NLRP5: variants seen among roughly 807,000 people sequenced by gnomAD.
NLRP5 encodes the protein NLR family pyrin domain containing 5, also known as NACHT, LRR and PYD domains-containing protein 5.
A neutral mutation model predicts 113.1 loss-of-function variants in NLRP5; 93 were observed. The ratio of observed to expected loss-of-function variants is 0.82; its 90% CI spans 0.70 to 0.98. The LOEUF is 0.98. Ranked by LOEUF, NLRP5 falls within the 50% of genes least tolerant of loss-of-function variation. The probability of loss-of-function intolerance (pLI) is 0.00; values close to 1 mark genes in which losing one functional copy is unlikely to be tolerated. For missense variants in NLRP5, 1,808 were observed against 1,514.3 expected, an observed-to-expected ratio of 1.19 and a Z score of -3.22; for synonymous variants, 751 against 600.7, an observed-to-expected ratio of 1.25 and a Z score of -3.66.
At chr19:55,987,860 C>T in the NLRP5 span, 2 of 1,614,088 alleles carry the variant, frequency 1.2e-6, no homozygotes, top group Non-Finnish European at 1.7e-6. Context: ...CCCAACTCCT[C>T]ACCCACCCGA....
intron 3 of NLRP5, 124 bp from the exon 4 acceptor site, chr19:56,015,618 G>A: frequency 1.5e-6 from 1 of 659,246 alleles, no homozygotes; most frequent in South Asian, 3.8e-5. Flanking sequence ...CAGTGGTTCT[G>A]TGCTCTAAAC....
chr19:56,042,319 G>T (rs1208377662), intron 11 of NLRP5, among the ~76,000 whole-genome samples: 3 of 152,074 alleles, frequency 2.0e-5, no homozygotes, highest in African/African-American at 7.2e-5. Flanking sequence ...AAAGTTATTG[G>T]GGTACAGGTG....
intron 4 of NLRP5, among the ~76,000 whole-genome samples, chr19:56,016,729 CAT>C (rs1982416793): frequency 6.6e-6 from 1 of 152,200 alleles, no homozygotes; most frequent in African/African-American, 2.4e-5. Flanking sequence ...CTTCACTTAA[CAT>C]AATGTCCTCT....
At chr19:56,033,395 T>G (rs1372718256) in intron 8 of NLRP5, 147 bp from the exon 9 acceptor site, 1 of 663,286 alleles carries the variant, frequency 1.5e-6, no homozygotes, top group Non-Finnish European at 2.7e-6. Context: ...AGCTGGCCCA[T>G]CACAGGCACT....
chr19:55,987,745 C>T, the NLRP5 span: 2 of 1,156,364 alleles, frequency 1.7e-6, no homozygotes, highest in Non-Finnish European at 2.6e-6. Flanking sequence ...AGACAAAATG[C>T]AAGCTTAGGG....
At position 56,055,533 on chromosome 19, in the gene NLRP5, C is replaced by CTTTTTTTTTTTTTTTTTTTT. The variant is rs1491011983; in HGVS notation, c.3299+1726_3299+1727insTTTTTTTTTTTTTTTTTTTT. Among the ~76,000 whole-genome samples, 49 of 99,538 alleles carry CTTTTTTTTTTTTTTTTTTTT rather than the reference C, an allele frequency of 4.9e-4. 7 individuals carry two copies. The highest frequency in any genetic ancestry group is 8.1e-4 in the Non-Finnish European group (39 of 48,256). The allele number at this position is 99,538 out of a possible 152,430, so 65.3% of individuals were successfully genotyped here. A position where few individuals can be genotyped will look rare whatever the true frequency, so the allele number is the denominator to read the frequency against. On this transcript the variant is annotated intron_variant, in intron 13 of 14. Coordinates refer to ENST00000390649, the MANE Select transcript of NLRP5 (RefSeq NM_153447.4). ...AGCTCCATGTTCTATTTTTCTTTCT[C>CTTTTTTTTTTTTTTTTTTTT]TGTCTTTTTTTTTTTTTTTTTTTTT... is the stretch of plus-strand genomic sequence containing the variant.
chr19:56,058,564 T>C (rs1984243637), intron 14 of NLRP5, among the ~76,000 whole-genome samples, 154 bp downstream of exon 14: 1 of 152,136 alleles, frequency 6.6e-6, no homozygotes, highest in African/African-American at 2.4e-5. Flanking sequence ...CTGAGTACCA[T>C]GCTGGATGCT....
intron 13 of NLRP5, among the ~76,000 whole-genome samples, chr19:56,057,866 A>C (rs755876695): frequency 3.3e-5 from 5 of 152,036 alleles, no homozygotes; most frequent in Non-Finnish European, 2.9e-5. Flanking sequence ...TTTCTACTAA[A>C]AATACAAAAA....
At position 56,028,275 on chromosome 19, in the gene NLRP5, C is replaced by T; in HGVS notation, c.2042C>T (p.Pro681Leu). 6.2e-7 allele frequency: 1 copy of T among 1,613,972 alleles called. No individual in the cohort carries two copies. The highest frequency in any genetic ancestry group is 8.5e-7 in the Non-Finnish European group (1 of 1,179,884). Residue 681 changes from proline to leucine, a missense_variant, in exon 7 of 15, where the codon CCA becomes CTA. Coordinates refer to ENST00000390649, the MANE Select transcript of NLRP5 (RefSeq NM_153447.4). The stretch of plus-strand genomic sequence containing the variant: ...GGTCAGCAGCCTAATGCCACCACCC[C>T]AGGAGACACCCTGGACGCCTTCCAC...
At chr19:56,014,939 CA>C (rs747436333) in intron 3 of NLRP5, among the ~76,000 whole-genome samples, 2 of 151,724 alleles carry the variant, frequency 1.3e-5, no homozygotes, top group Admixed American at 6.6e-5. Flanking sequence ...TTTCTGCAAG[CA>C]AAAAAAGGTA....
chr19:55,993,401 C>T, the NLRP5 span, among the ~76,000 whole-genome samples: 1 of 43,454 alleles, frequency 2.3e-5, no homozygotes, highest in Non-Finnish European at 4.0e-5. Context: ...CTCTCCCCCT[C>T]CTCTCCCCCT....
At chr19:56,006,710 T>C (rs200764622) in intron 2 of NLRP5, among the ~76,000 whole-genome samples, 8 of 151,422 alleles carry the variant, frequency 5.3e-5, no homozygotes, top group South Asian at 2.1e-4. Context: ...CCAGCCTGGG[T>C]GACAGAGCGA....
At chr19:56,036,097 T>C (rs1322093556) in intron 9 of NLRP5, among the ~76,000 whole-genome samples, 1 of 132,792 alleles carries the variant, frequency 7.5e-6, no homozygotes, top group East Asian at 2.3e-4. Context: ...AGAGTCTTGC[T>C]CTGTTGCCCA....
chr19:56,048,463 C>A lies in NLRP5; in HGVS notation c.2958-1955C>A, dbSNP rs148199061. On this transcript the variant is annotated intron_variant, in intron 11 of 14. Coordinates refer to ENST00000390649, the MANE Select transcript of NLRP5 (RefSeq NM_153447.4). The stretch of plus-strand genomic sequence containing the variant: ...TTTGTCTGTCTGAAAAAGACTGTAT[C>A]TTTCCTTCATATAAAATGCTTAGTT... Among the ~76,000 whole-genome samples the A allele has an allele frequency of 3.6e-3, 551 of 152,120 alleles. 1 individual carries two copies. Among genetic ancestry groups the A allele is most frequent in the African/African-American group, 0.012 (497 of 41,506 alleles).
chr19:56,023,129 G>A (rs1267100236), intron 6 of NLRP5, among the ~76,000 whole-genome samples: 3 of 152,200 alleles, frequency 2.0e-5, no homozygotes, highest in Non-Finnish European at 2.9e-5. Flanking sequence ...AAGCCCTCAC[G>A]AAGGAGAGGA....
chr19:56,035,464 A>G (rs1202694483), intron 9 of NLRP5, among the ~76,000 whole-genome samples: 2 of 152,080 alleles, frequency 1.3e-5, no homozygotes, highest in South Asian at 2.1e-4. Flanking sequence ...CTGCATGCTC[A>G]CTCTTTTGCT....
At position 56,021,710 on chromosome 19, in the gene NLRP5, G is replaced by A. The variant is rs574706731; in HGVS notation, c.679+1279G>A. Among the ~76,000 whole-genome samples the A allele has an allele frequency of 2.6e-5, 4 of 152,264 alleles. No individual in the cohort carries two copies. The East Asian group carries it at 7.7e-4, about 29-fold the overall frequency. ...TGGAAAGACCCCATTTTCTTCATCT[G>A]TTGTTCAGTTCATGGGAATTTGGCT... On this transcript the variant is annotated intron_variant, in intron 6 of 14. Coordinates refer to ENST00000390649, the MANE Select transcript of NLRP5 (RefSeq NM_153447.4).
chr19:56,008,951 A>G (rs1187310936), intron 3 of NLRP5, 98 bp downstream of exon 3: 2 of 1,055,238 alleles, frequency 1.9e-6, no homozygotes, highest in African/African-American at 3.1e-5. Flanking sequence ...CTGATAGTCT[A>G]GTGTTCTTTC....
At chr19:56,004,504 C>A (rs150434760) in intron 2 of NLRP5, among the ~76,000 whole-genome samples, 96 of 152,164 alleles carry the variant, frequency 6.3e-4, no homozygotes, top group African/African-American at 2.2e-3. Context: ...ATGTGTAATG[C>A]ATAGGAAGTG....
Sources: allele counts gnomAD v4.1 joint callset (sites outside exome capture counted in the v4.1 genomes callset), GRCh38; gene constraint gnomAD v4.1.1; transcripts MANE v1.5; gene names NCBI Gene and HGNC (gene_info 2026-07-23, HGNC 2026-07-21).